Variants in CSRP1 observed in about 807,000 individuals in gnomAD.
CSRP1 encodes cysteine and glycine-rich protein 1.
Under a neutral mutation model 25.4 loss-of-function variants are expected in CSRP1, and 16 were observed. The observed-to-expected ratio is 0.63, with a 90% CI of 0.43 to 0.96. The LOEUF is 0.96. Ranked by LOEUF, CSRP1 falls within the 40% of genes least tolerant of loss-of-function variation. The probability of loss-of-function intolerance (pLI) is 0.00; values close to 1 mark genes in which losing one functional copy is unlikely to be tolerated. For missense variants in CSRP1, 212 were observed against 243.6 expected (o/e 0.87, Z 0.86); for synonymous variants, 97 against 95.3 (o/e 1.02, Z -0.10).
At chr1:201,497,597 G>C (rs1005317973) in intron 1 of CSRP1, among the ~76,000 whole-genome samples, 1 of 152,136 alleles carries the variant, frequency 6.6e-6, no homozygotes, top group Non-Finnish European at 1.5e-5. Context: ...CTAGGTGTTG[G>C]TTCAGAGCTG....
At chr1:201,505,822 G>T (rs879940522) in intron 1 of CSRP1, among the ~76,000 whole-genome samples, 3 of 152,154 alleles carry the variant, frequency 2.0e-5, no homozygotes, top group Non-Finnish European at 2.9e-5. Flanking sequence ...AGCAGTTGAG[G>T]GGAGGCTCAG....
intron 1 of CSRP1, among the ~76,000 whole-genome samples, chr1:201,498,277 G>C (rs2102413087): frequency 6.6e-6 from 1 of 152,294 alleles, no homozygotes; most frequent in South Asian, 2.1e-4. Flanking sequence ...CACCCTTCCA[G>C]CTCTTTCAAC....
intron 1 of CSRP1, among the ~76,000 whole-genome samples, chr1:201,498,838 G>A (rs1436312331): frequency 2.6e-5 from 4 of 152,206 alleles, no homozygotes; most frequent in African/African-American, 4.8e-5. Context: ...CTTGGTAAGC[G>A]TGTGCAGGCT....
intron 1 of CSRP1, among the ~76,000 whole-genome samples, chr1:201,497,609 C>T (rs1018328531): frequency 6.6e-6 from 1 of 152,164 alleles, no homozygotes; most frequent in Non-Finnish European, 1.5e-5. Flanking sequence ...TCAGAGCTGG[C>T]GTCCTGATGC....
At chr1:201,485,208 C>T (rs1664094301) in intron 5 of CSRP1, 75 bp downstream of exon 5, 4 of 1,271,664 alleles carry the variant, frequency 3.1e-6, no homozygotes, top group Non-Finnish European at 4.6e-6. Flanking sequence ...AGTTTACATT[C>T]AGCAAAGGCA....
chr1:201,489,017 T>C (rs755955680), intron 3 of CSRP1, 33 bp from the exon 4 acceptor site: 9 of 1,611,774 alleles, frequency 5.6e-6, no homozygotes, highest in Non-Finnish European at 7.6e-6. Flanking sequence ...TGAGGTGACT[T>C]ACACTGTAAG....
intron 3 of CSRP1, chr1:201,489,714 T>C (rs2070941): frequency 0.42 from 66,014 of 155,756 alleles, 17,704 homozygotes; most frequent in Non-Finnish European, 0.61. Flanking sequence ...CTCTACAAAA[T>C]ACAGAATTAG....
At chr1:201,506,788 C>G (rs1467861232) in intron 1 of CSRP1, 1 of 152,314 alleles carries the variant, frequency 6.6e-6, no homozygotes, top group Admixed American at 6.5e-5. Flanking sequence ...GCCGATTGTT[C>G]TGCCCGACTT....
intron 1 of CSRP1, chr1:201,506,538 G>C (rs1404389043): frequency 6.6e-6 from 1 of 152,222 alleles, no homozygotes; most frequent in Non-Finnish European, 1.5e-5. Flanking sequence ...GGCTCTTTCA[G>C]GTTTCAGTAA....
intron 1 of CSRP1, among the ~76,000 whole-genome samples, chr1:201,504,152 T>G (rs1254386175): frequency 9.2e-5 from 14 of 152,212 alleles, no homozygotes; most frequent in Non-Finnish European, 8.8e-5. Context: ...AATAAGGTAG[T>G]GACTGAGCAT....
In CSRP1 at chr1:201,495,991, C is replaced by T. The variant is rs1664498020; in HGVS notation, c.112+201G>A. On this transcript the variant is annotated intron_variant, in intron 2 of 5. Transcript: ENST00000340006. ...GCCTGCCACCCCGACCCGCTCTGGC[C>T]AGTTCATCCCTTAGAAAGAAGCTTC... is the stretch of plus-strand genomic sequence containing the variant. The T allele has an allele frequency of 5.5e-6, 3 of 541,824 alleles. No individual in the cohort carries two copies. The Admixed American group carries it at 9.9e-5, about 18-fold the overall frequency. The allele number at this position is 541,824 out of a possible 1,614,324, so 33.6% of individuals were successfully genotyped here. A position where few individuals can be genotyped will look rare whatever the true frequency, so the allele number is the denominator to read the frequency against.
At chr1:201,489,041 G>T in intron 3 of CSRP1, 57 bp from the exon 4 acceptor site, 1 of 1,603,664 alleles carries the variant, frequency 6.2e-7, no homozygotes, top group African/African-American at 1.3e-5. Flanking sequence ...AGGTGGGGCT[G>T]GCACTGAGAG....
At chr1:201,490,597 C>A (rs938355425) in intron 2 of CSRP1, 11 of 431,572 alleles carry the variant, frequency 2.5e-5, no homozygotes, top group African/African-American at 1.2e-4. Flanking sequence ...TATGTGTCTC[C>A]TTTGGTCCTC....
chr1:201,486,254 C>CA (rs1323933601), intron 4 of CSRP1: 4 of 756,052 alleles, frequency 5.3e-6, no homozygotes, highest in Admixed American at 6.3e-5. Flanking sequence ...AGTTTGTACA[C>CA]AGTGATGGGA....
intron 1 of CSRP1, among the ~76,000 whole-genome samples, chr1:201,501,916 C>G (rs549191104): frequency 3.4e-4 from 51 of 152,114 alleles, no homozygotes; most frequent in South Asian, 1.5e-3. Flanking sequence ...TTGCTTGAAA[C>G]AGGAGATGGA....
chr1:201,486,854 T>A, intron 4 of CSRP1: 1 of 1,204,928 alleles, frequency 8.3e-7, no homozygotes, highest in African/African-American at 1.6e-5. Flanking sequence ...CCTTATAGCC[T>A]GCCTAAGTAA....
chr1:201,495,965 C>A (rs1664496645), intron 2 of CSRP1: 2 of 453,640 alleles, frequency 4.4e-6, no homozygotes, highest in Admixed American at 8.0e-5. Flanking sequence ...AGCCCCTGAA[C>A]GCCTGCCACC....
chr1:201,498,476 C>T (rs1290013118), intron 1 of CSRP1, among the ~76,000 whole-genome samples: 1 of 152,194 alleles, frequency 6.6e-6, no homozygotes, highest in Non-Finnish European at 1.5e-5. Flanking sequence ...CGGAACCTGT[C>T]ACATGGAAAT....
rs945763749 is a variant in CSRP1 at position 201,484,651 on chromosome 1, C to T, written c.*62G>A. 27 of 1,453,698 alleles carry T rather than the reference C, an allele frequency of 1.9e-5. No individual in the cohort carries two copies. In the South Asian group the frequency reaches 2.8e-4, roughly 15 times the overall value. 90.0% of individuals were successfully genotyped at this position (1,453,698 alleles called of 1,614,324 possible). A position where few individuals can be genotyped will look rare whatever the true frequency, so the allele number is the denominator to read the frequency against. On this transcript the variant is annotated 3_prime_UTR_variant, in exon 6 of 6. Coordinates refer to ENST00000340006, the MANE Select transcript of CSRP1 (RefSeq NM_004078.3). ...ATAATCCTGGAGGTCTCCAAAGCTG[C>T]TGGGAATGGAATGGCGATGAAAAGC...
Sources: gnomAD v4.1 joint callset for allele counts (sites outside exome capture counted in the v4.1 genomes callset) on GRCh38, gnomAD v4.1.1 for gene constraint, MANE v1.5 for transcripts, NCBI Gene and HGNC (gene_info 2026-07-23, HGNC 2026-07-21) for gene names.